MYBL1: variants seen among roughly 807,000 people sequenced by gnomAD.
MYBL1 encodes MYB proto-oncogene like 1.
In MYBL1, 17 loss-of-function variants were observed where a neutral mutation model predicts 96.3. That is an observed-to-expected ratio of 0.18 (90% confidence interval 0.12 to 0.26). The LOEUF (loss-of-function observed/expected upper bound fraction) is 0.26, where lower values mean the gene tolerates loss of function less well. MYBL1 is among the 10% of genes least tolerant of loss of function. MYBL1 has a pLI of 1.00. For synonymous variants in MYBL1, 282 were observed against 292.7 expected (o/e 0.96, Z 0.37); for missense variants, 701 against 882.9 (o/e 0.79, Z 2.61).
chr8:66,593,213 A>G lies in MYBL1; in HGVS notation c.688-19T>C, dbSNP rs371049177. The G allele has an allele frequency of 7.7e-5, 111 of 1,448,714 alleles. No homozygotes were observed. Among genetic ancestry groups the G allele is most frequent in the Non-Finnish European group, 1.0e-4 (106 of 1,048,320 alleles). 89.7% of individuals were successfully genotyped at this position (1,448,714 alleles called of 1,614,324 possible). A position where few individuals can be genotyped will look rare whatever the true frequency, so the allele number is the denominator to read the frequency against. On this transcript the variant is annotated intron_variant, in intron 6 of 15. Transcript: ENST00000522677. The stretch of plus-strand genomic sequence containing the variant: ...CAGGGATCTAAAAAGTAATTAATGC[A>G]TTATTATCATACATATAATGCTATA...
chr8:66,612,763 A>G (rs1396552402), intron 1 of MYBL1, 56 bp downstream of exon 1: 15 of 1,342,554 alleles, frequency 1.1e-5, no homozygotes, highest in African/African-American at 1.5e-5. Flanking sequence ...GGGATAGGAA[A>G]GAGAATCTGA....
In MYBL1 at chr8:66,576,505, A is replaced by G; in HGVS notation, c.1102-130T>C. 6 of 1,066,036 alleles carry G rather than the reference A, an allele frequency of 5.6e-6. No individual in the cohort carries two copies. In the South Asian group the frequency reaches 6.7e-5, roughly 12 times the overall value. The allele number at this position is 1,066,036 out of a possible 1,614,324, so 66.0% of individuals were successfully genotyped here. ...ATCAGTAAAAATGCTTTCCTTGGAC[A>G]TTTTTTTTAAGCAAGACCATTTAAG... On this transcript the variant is annotated intron_variant, in intron 9 of 15. Transcript: ENST00000522677.
At chr8:66,612,790 C>G in intron 1 of MYBL1, 29 bp downstream of exon 1, 58 of 1,352,426 alleles carry the variant, frequency 4.3e-5, no homozygotes, top group Non-Finnish European at 5.6e-5. Context: ...ACGGCGCCGA[C>G]AGGCCTGGGC....
At position 66,563,428 on chromosome 8, in the gene MYBL1, G is replaced by T. The variant is rs1051755018; in HGVS notation, c.*1269C>A. The T allele has an allele frequency of 5.9e-5, 9 of 152,494 alleles. No individual in the cohort carries two copies. The East Asian group carries it at 1.7e-3, about 29-fold the overall frequency. 9.4% of individuals were successfully genotyped at this position (152,494 alleles called of 1,614,324 possible). On this transcript the variant is annotated 3_prime_UTR_variant, in exon 16 of 16. Coordinates refer to ENST00000522677, the MANE Select transcript of MYBL1 (RefSeq NM_001080416.4). ...CAAAAGCAAATAAAAATTCTTTCAA[G>T]AAGAAATAAAATAAGTGCAAACACC...
chr8:66,573,881 G>GA (rs1022543490), intron 10 of MYBL1, among the ~76,000 whole-genome samples: 5 of 152,212 alleles, frequency 3.3e-5, no homozygotes, highest in Middle Eastern at 3.4e-3. Flanking sequence ...GTGTGTAACT[G>GA]AAAAAACAAG....
chr8:66,605,450 A>G (rs1478910010), intron 1 of MYBL1, among the ~76,000 whole-genome samples: 1 of 152,220 alleles, frequency 6.6e-6, no homozygotes, highest in Non-Finnish European at 1.5e-5. Context: ...TCAGAACCTG[A>G]GTTTTGATGG....
intron 8 of MYBL1, 133 bp downstream of exon 8, chr8:66,592,307 T>TA (rs60477286): frequency 0.021 from 12,955 of 631,042 alleles, 109 homozygotes; most frequent in Non-Finnish European, 0.026. Flanking sequence ...AGTTGCAAAT[T>TA]AAAAAAAAAC....
intron 8 of MYBL1, among the ~76,000 whole-genome samples, chr8:66,583,719 T>C (rs1380244812): frequency 6.6e-6 from 1 of 152,022 alleles, no homozygotes; most frequent in Non-Finnish European, 1.5e-5. Context: ...TTACCAGAAA[T>C]GGATAAACTT....
chr8:66,612,714 G>A, intron 1 of MYBL1, 105 bp downstream of exon 1: 1 of 1,258,142 alleles, frequency 7.9e-7, no homozygotes, highest in African/African-American at 1.5e-5. Context: ...AAAAACCTCT[G>A]CCCTCGCCAG....
chr8:66,564,667 A>G lies in MYBL1; in HGVS notation c.*30T>C. Reference sequence around the variant, plus strand: ...AATTTAGTAGAGACTGCAGTAAGGGAGTGGGGCATTTCATCAATTTTAATA... The same window carrying G: ...AATTTAGTAGAGACTGCAGTAAGGGGGTGGGGCATTTCATCAATTTTAATA... On this transcript the variant is annotated 3_prime_UTR_variant, in exon 16 of 16. Coordinates refer to ENST00000522677, the MANE Select transcript of MYBL1 (RefSeq NM_001080416.4). 6.5e-7 allele frequency: 1 copy of G among 1,539,148 alleles called. No individual in the cohort carries two copies. The highest frequency in any genetic ancestry group is 8.8e-7 in the Non-Finnish European group (1 of 1,134,602).
In MYBL1 at chr8:66,564,763, T is replaced by C. The variant is rs1808438352; in HGVS notation, c.2193A>G (p.Glu731=). The change falls in exon 16 of 16, where the codon GAA becomes GAG. Residue 731 remains glutamate (E), a synonymous_variant. Transcript: ENST00000522677. Reference sequence around the variant, plus strand: ...AAGTACTCAGATATCTTCTTGCTTGTTCAGTCATAATAAGTTGGTCTTCTG... The same window carrying C: ...AAGTACTCAGATATCTTCTTGCTTGCTCAGTCATAATAAGTTGGTCTTCTG... ...GKTEDQLIMT[E]QARRYLSTYT... 1.3e-6 allele frequency: 2 copies of C among 1,585,218 alleles called. No homozygotes were observed. The highest frequency in any genetic ancestry group is 1.7e-6 in the Non-Finnish European group (2 of 1,162,318).
At chr8:66,601,834 G>A (rs1324071409) in intron 2 of MYBL1, 65 bp from the exon 3 acceptor site, 2 of 735,424 alleles carry the variant, frequency 2.7e-6, no homozygotes, top group African/African-American at 3.6e-5. Flanking sequence ...CCTAAATATA[G>A]ATAACTCTCC....
chr8:66,568,959 G>A (rs972597673), intron 12 of MYBL1, among the ~76,000 whole-genome samples: 4 of 152,118 alleles, frequency 2.6e-5, no homozygotes, highest in Non-Finnish European at 5.9e-5. Flanking sequence ...AGAAGGCAGA[G>A]GTTGCAGTGA....
chr8:66,612,700 G>A (rs1164791144), intron 1 of MYBL1, 119 bp downstream of exon 1: 3 of 1,209,346 alleles, frequency 2.5e-6, no homozygotes, highest in Non-Finnish European at 2.2e-6. Flanking sequence ...GGGGACGCGG[G>A]AAGAAAAACC....
Position 66,576,393 on chromosome 8 carries a change from G to A in MYBL1, c.1102-18C>T. ...ACAGGATCCTGCAATAAATTAAACTGTTAATAAAGTTAATGCTGTAACCTA... is the reference window on the plus strand; with the variant it reads ...ACAGGATCCTGCAATAAATTAAACTATTAATAAAGTTAATGCTGTAACCTA... On this transcript the variant is annotated intron_variant, in intron 9 of 15. Transcript: ENST00000522677. 1 of 1,575,134 alleles carries A rather than the reference G, an allele frequency of 6.3e-7. No individual in the cohort carries two copies. Among genetic ancestry groups the A allele is most frequent in the Non-Finnish European group, 8.6e-7 (1 of 1,163,856 alleles).
intron 1 of MYBL1, among the ~76,000 whole-genome samples, chr8:66,609,123 A>C (rs2130077202): frequency 6.6e-6 from 1 of 152,214 alleles, no homozygotes; most frequent in South Asian, 2.1e-4. Flanking sequence ...GTAACTTTAC[A>C]TTGGTGTACA....
chr8:66,604,766 G>C (rs2130041022), intron 1 of MYBL1, among the ~76,000 whole-genome samples: 1 of 152,226 alleles, frequency 6.6e-6, no homozygotes, highest in East Asian at 1.9e-4. Flanking sequence ...AGAAAAGAAA[G>C]GATTTTGCAA....
At chr8:66,567,865 C>A (rs1808568314) in intron 12 of MYBL1, among the ~76,000 whole-genome samples, 1 of 151,864 alleles carries the variant, frequency 6.6e-6, no homozygotes. Context: ...AGATCATGAT[C>A]ATCCTGGCCA....
intron 6 of MYBL1, among the ~76,000 whole-genome samples, chr8:66,594,855 A>C (rs1286756165): frequency 6.6e-6 from 1 of 152,170 alleles, no homozygotes; most frequent in Non-Finnish European, 1.5e-5. Context: ...ATCTTGCCCA[A>C]TTTTATCTTT....
Sources: gnomAD v4.1 joint callset for allele counts (sites outside exome capture counted in the v4.1 genomes callset) on GRCh38, gnomAD v4.1.1 for gene constraint, MANE v1.5 for transcripts, NCBI Gene and HGNC (gene_info 2026-07-23, HGNC 2026-07-21) for gene names.